NKAIN3: variants seen among roughly 807,000 people sequenced by gnomAD.
The protein encoded by NKAIN3 is sodium/potassium-transporting ATPase subunit beta-1-interacting protein 3.
In NKAIN3, 25 loss-of-function variants were observed where a neutral mutation model predicts 30.2. That is an observed-to-expected ratio of 0.83 (90% CI 0.60 to 1.16). The LOEUF (loss-of-function observed/expected upper bound fraction) is 1.16. NKAIN3 is among the 50% of genes most tolerant of loss of function. NKAIN3 has a pLI of 0.00. For missense variants in NKAIN3, 225 were observed against 254.1 expected (o/e 0.89, Z 0.78); for synonymous variants, 91 against 89.6 (o/e 1.02, Z -0.09).
chr8:62,659,363 T>A (rs1812868292), intron 3 of NKAIN3, among the ~76,000 whole-genome samples: 2 of 74 alleles, frequency 0.027, no homozygotes, highest in South Asian at 0.5. Flanking sequence ...ACTTGCCAGT[T>A]TCTATATCAG....
At chr8:62,923,475 C>T (rs553409875) in intron 5 of NKAIN3, among the ~76,000 whole-genome samples, 5 of 152,236 alleles carry the variant, frequency 3.3e-5, no homozygotes, top group Non-Finnish European at 5.9e-5. Context: ...GTGAGATGTC[C>T]GATGCACTTG....
chr8:62,401,123 A>G (rs1803855051), intron 1 of NKAIN3, among the ~76,000 whole-genome samples: 1 of 149,374 alleles, frequency 6.7e-6, no homozygotes, highest in Non-Finnish European at 1.5e-5. Flanking sequence ...ATTCTCATTT[A>G]TTCTTTCTTT....
At chr8:62,280,181 T>A (rs61168653) in intron 1 of NKAIN3, among the ~76,000 whole-genome samples, 1 of 151,120 alleles carries the variant, frequency 6.6e-6, no homozygotes, top group East Asian at 2.0e-4. Context: ...TGTTTGTCTG[T>A]TATTGGTGTA....
At chr8:62,423,637 C>T (rs1804715693) in intron 1 of NKAIN3, among the ~76,000 whole-genome samples, 2 of 151,858 alleles carry the variant, frequency 1.3e-5, no homozygotes, top group South Asian at 4.1e-4. Flanking sequence ...CCAGGTCTAT[C>T]CAATCTTTAA....
At chr8:62,328,715 T>C (rs1202313128) in intron 1 of NKAIN3, among the ~76,000 whole-genome samples, 1 of 152,090 alleles carries the variant, frequency 6.6e-6, no homozygotes, top group African/African-American at 2.4e-5. Flanking sequence ...GCCCAGAACT[T>C]TGCATAAATG....
At chr8:62,664,362 T>C (rs1032295307) in intron 3 of NKAIN3, among the ~76,000 whole-genome samples, 2 of 152,130 alleles carry the variant, frequency 1.3e-5, no homozygotes, top group Admixed American at 1.3e-4. Flanking sequence ...CTGAATTTCC[T>C]GTGATTCCAT....
At chr8:62,427,270 A>G (rs1804835803) in intron 1 of NKAIN3, among the ~76,000 whole-genome samples, 1 of 151,982 alleles carries the variant, frequency 6.6e-6, no homozygotes, top group Non-Finnish European at 1.5e-5. Context: ...GAGACTCAAA[A>G]ACTGGAAGTA....
chr8:62,419,641 T>C (rs1326227427), intron 1 of NKAIN3, among the ~76,000 whole-genome samples: 2 of 152,188 alleles, frequency 1.3e-5, no homozygotes, highest in Admixed American at 6.5e-5. Flanking sequence ...AGTGTACTTA[T>C]GAAATTTCTG....
chr8:62,789,361 C>G, intron 4 of NKAIN3, among the ~76,000 whole-genome samples: 1 of 151,978 alleles, frequency 6.6e-6, no homozygotes, highest in East Asian at 1.9e-4. Context: ...TAAGAATGCT[C>G]GTGATTTTTG....
rs761980182 is a variant in NKAIN3, at chr8:62,967,429, A to T, written c.*2022A>T. On this transcript the variant is annotated 3_prime_UTR_variant, in exon 7 of 7. Transcript: ENST00000623646. The stretch of plus-strand genomic sequence containing the variant: ...GTAAAAAAATTCTCAGTACACAGTG[A>T]AGCACTCCACAATTAAAGGAGGTGA... Among the ~76,000 whole-genome samples, 2 of 152,066 alleles carry T rather than the reference A, an allele frequency of 1.3e-5. No homozygotes were observed. The highest frequency in any genetic ancestry group is 2.4e-5 in the African/African-American group (1 of 41,348).
Position 62,751,254 on chromosome 8 carries a change from AG to A in NKAIN3, c.471+4126del, listed in dbSNP as rs149493676. Among the ~76,000 whole-genome samples, 554 of 152,184 alleles carry A rather than the reference AG, an allele frequency of 3.6e-3. 5 individuals carry two copies. Among genetic ancestry groups the A allele is most frequent in the African/African-American group, 0.013 (526 of 41,524 alleles). On this transcript the variant is annotated intron_variant, in intron 4 of 6. Coordinates refer to ENST00000623646, the MANE Select transcript of NKAIN3 (RefSeq NM_001304533.3). ...CCCCACCTGGGCTCCTTATCCACCT[AG>A]CTCCTAGCAGACATCTTCCCCCAAA...
At chr8:62,658,171 A>T (rs1187996139) in intron 3 of NKAIN3, among the ~76,000 whole-genome samples, 2 of 152,188 alleles carry the variant, frequency 1.3e-5, no homozygotes, top group Admixed American at 6.5e-5. Flanking sequence ...AAGTCATGAA[A>T]TCATGCTATG....
chr8:62,578,200 A>G (rs1810177135), intron 1 of NKAIN3, among the ~76,000 whole-genome samples: 2 of 152,146 alleles, frequency 1.3e-5, no homozygotes, highest in Admixed American at 1.3e-4. Flanking sequence ...TCAATGTAGA[A>G]TACAAGAAAT....
At chr8:62,420,017 A>G (rs1804584097) in intron 1 of NKAIN3, among the ~76,000 whole-genome samples, 1 of 152,126 alleles carries the variant, frequency 6.6e-6, no homozygotes. Flanking sequence ...GCCCACAACC[A>G]TGTCACCTGA....
chr8:62,328,109 A>G (rs1815205566), intron 1 of NKAIN3, among the ~76,000 whole-genome samples: 1 of 152,092 alleles, frequency 6.6e-6, no homozygotes, highest in Non-Finnish European at 1.5e-5. Flanking sequence ...AGACTGAAAA[A>G]TGTATATCAA....
At position 62,376,913 on chromosome 8, in the gene NKAIN3, A is replaced by T. The variant is rs867511895; in HGVS notation, c.54+127786A>T. ...GGAAGATAATTAAGTCACAATAGCTACTTTTATACTGACTTTATATATATT... is the reference window on the plus strand; with the variant it reads ...GGAAGATAATTAAGTCACAATAGCTTCTTTTATACTGACTTTATATATATT... On this transcript the variant is annotated intron_variant, in intron 1 of 6. Transcript: ENST00000623646. 1.8e-4 allele frequency among the ~76,000 whole-genome samples: 28 copies of T among 152,152 alleles called. 1 individual carries two copies. The highest frequency in any genetic ancestry group is 6.4e-3 in the Middle Eastern group (2 of 314).
intron 3 of NKAIN3, among the ~76,000 whole-genome samples, chr8:62,598,506 C>T (rs1810900001): frequency 6.6e-6 from 1 of 151,930 alleles, no homozygotes; most frequent in Admixed American, 6.6e-5. Flanking sequence ...ATTTATTTTG[C>T]CTTCACCTAA....
intron 4 of NKAIN3, among the ~76,000 whole-genome samples, chr8:62,904,135 C>T (rs1821701609): frequency 6.6e-6 from 1 of 152,226 alleles, no homozygotes; most frequent in East Asian, 1.9e-4. Context: ...TCTGGACATT[C>T]CGTTGTTTAT....
At chr8:62,773,761 T>C (rs1382805576) in intron 4 of NKAIN3, among the ~76,000 whole-genome samples, 1 of 152,134 alleles carries the variant, frequency 6.6e-6, no homozygotes, top group African/African-American at 2.4e-5. Flanking sequence ...TCCACCATGA[T>C]TGTGAGGCCT....
Sources: gnomAD v4.1 joint callset for allele counts (sites outside exome capture counted in the v4.1 genomes callset) on GRCh38, gnomAD v4.1.1 for gene constraint, MANE v1.5 for transcripts, NCBI Gene and HGNC (gene_info 2026-07-23, HGNC 2026-07-21) for gene names.